DLGAP1: variants seen among roughly 807,000 people sequenced by gnomAD.
The protein encoded by DLGAP1 is DLG associated protein 1.
In DLGAP1, 11 loss-of-function variants were observed where a neutral mutation model predicts 90.8. That is an observed-to-expected ratio of 0.12 (90% CI 0.08 to 0.20). The LOEUF is 0.20. DLGAP1 is among the 10% of genes least tolerant of loss of function. The pLI, the probability that DLGAP1 is intolerant of heterozygous loss-of-function variation, is 1.00. For synonymous variants in DLGAP1, 558 were observed against 540.7 expected, an observed-to-expected ratio of 1.03 and a Z score of -0.44; for missense variants, 1,050 against 1,333.8, an observed-to-expected ratio of 0.79 and a Z score of 3.31.
chr18:4,099,703 T>TC (rs1491549067), intron 2 of DLGAP1, among the ~76,000 whole-genome samples: 1 of 135,290 alleles, frequency 7.4e-6, no homozygotes, highest in East Asian at 2.2e-4. Context: ...CTTTTTTTAC[T>TC]TTTTTTTTTT....
At chr18:4,121,468 C>T (rs1212023862) in intron 2 of DLGAP1, among the ~76,000 whole-genome samples, 3 of 152,120 alleles carry the variant, frequency 2.0e-5, no homozygotes, top group African/African-American at 4.8e-5. Flanking sequence ...CCCTCACCCC[C>T]CGTCCTCAAC....
chr18:3,608,636 C>T (rs1270110703), intron 7 of DLGAP1, among the ~76,000 whole-genome samples: 2 of 152,114 alleles, frequency 1.3e-5, no homozygotes, highest in Non-Finnish European at 2.9e-5. Context: ...GAAGGTCACT[C>T]ACTGTGAGAG....
intron 1 of DLGAP1, among the ~76,000 whole-genome samples, chr18:4,247,601 C>A (rs752203675): frequency 6.6e-6 from 1 of 152,050 alleles, no homozygotes; most frequent in African/African-American, 2.4e-5. Flanking sequence ...CATGGCAAAA[C>A]CCCGTCTCTA....
At chr18:3,926,657 T>G (rs1335897944) in intron 3 of DLGAP1, among the ~76,000 whole-genome samples, 5 of 151,042 alleles carry the variant, frequency 3.3e-5, no homozygotes, top group Non-Finnish European at 7.4e-5. Context: ...TCTATAGGTA[T>G]AAATATATAT....
chr18:4,022,023 G>A (rs1879181311), intron 2 of DLGAP1, among the ~76,000 whole-genome samples: 1 of 152,176 alleles, frequency 6.6e-6, no homozygotes, highest in Non-Finnish European at 1.5e-5. Flanking sequence ...TAGTGAGAAA[G>A]ACTAATCCTT....
intron 7 of DLGAP1, among the ~76,000 whole-genome samples, chr18:3,599,719 A>G (rs2145696244): frequency 6.6e-6 from 1 of 152,226 alleles, no homozygotes; most frequent in East Asian, 1.9e-4. Context: ...TCCCGGGTTC[A>G]AGCGATTCCC....
Position 3,614,412 on chromosome 18 carries a change from G to T in DLGAP1, c.1592-32164C>A, listed in dbSNP as rs116850688. On this transcript the variant is annotated intron_variant, in intron 7 of 12. Transcript: ENST00000315677. ...GAAAATGCTGTAAAAATTAATATGG[G>T]TCAAAAGAAATGATCTCTAATCATA... Among the ~76,000 whole-genome samples, 736 of 152,136 alleles carry T rather than the reference G, an allele frequency of 4.8e-3. 3 individuals are homozygous for T. Among genetic ancestry groups the T allele is most frequent in the East Asian group, 0.024 (125 of 5,172 alleles).
At chr18:4,052,515 G>A (rs1045740163) in intron 2 of DLGAP1, among the ~76,000 whole-genome samples, 9 of 152,068 alleles carry the variant, frequency 5.9e-5, no homozygotes, top group African/African-American at 2.2e-4. Context: ...CAGCATGGGG[G>A]GCCCTGGACC....
intron 1 of DLGAP1, among the ~76,000 whole-genome samples, chr18:4,303,884 C>T (rs769618154): frequency 6.6e-6 from 1 of 152,154 alleles, no homozygotes; most frequent in African/African-American, 2.4e-5. Context: ...CTTTTTAATT[C>T]TATTCTTGGC....
chr18:4,159,575 CG>C (rs1019064682), intron 1 of DLGAP1, among the ~76,000 whole-genome samples: 31 of 152,230 alleles, frequency 2.0e-4, no homozygotes, highest in African/African-American at 7.5e-4. Flanking sequence ...AAGCTCCCCA[CG>C]GAATGAACCT....
At chr18:4,236,213 A>C (rs942681520) in intron 1 of DLGAP1, among the ~76,000 whole-genome samples, 3 of 152,190 alleles carry the variant, frequency 2.0e-5, no homozygotes, top group Non-Finnish European at 4.4e-5. Context: ...GTGAGGTTTC[A>C]ATCAGTAAGT....
chr18:4,298,553 C>T (rs2080040448), intron 1 of DLGAP1, among the ~76,000 whole-genome samples: 1 of 151,546 alleles, frequency 6.6e-6, no homozygotes, highest in Non-Finnish European at 1.5e-5. Flanking sequence ...TATTGTCACT[C>T]ACAGGTGGGA....
chr18:4,409,493 T>C (rs2082731813), intron 1 of DLGAP1, among the ~76,000 whole-genome samples: 2 of 152,230 alleles, frequency 1.3e-5, no homozygotes, highest in South Asian at 4.1e-4. Context: ...AACACATTTT[T>C]CTTTCTGAAG....
In DLGAP1 at chr18:3,982,061, A is replaced by G. The variant is rs112002263; in HGVS notation, c.-73+23055T>C. Among the ~76,000 whole-genome samples, 79 of 152,332 alleles carry G rather than the reference A, an allele frequency of 5.2e-4. 1 individual carries two copies. The highest frequency in any genetic ancestry group is 1.8e-3 in the African/African-American group (76 of 41,580). On this transcript the variant is annotated intron_variant, in intron 3 of 12. Transcript: ENST00000315677. ...CAGAGAGCATATCTGGTCAGAAATA[A>G]TAGGAAGAAGAAAAAAAGAGGCTCT...
At chr18:3,830,117 C>G (rs2067949387) in intron 4 of DLGAP1, among the ~76,000 whole-genome samples, 1 of 152,248 alleles carries the variant, frequency 6.6e-6, no homozygotes, top group African/African-American at 2.4e-5. Context: ...GAGACTCTTA[C>G]TGGCTCTGTA....
rs2071085314 is a variant in DLGAP1, at chr18:3,879,314, C to T, written c.755G>A (p.Arg252Gln). 3.1e-6 allele frequency: 5 copies of T among 1,600,178 alleles called. No homozygotes were observed. The highest frequency in any genetic ancestry group is 1.3e-5 in the African/African-American group (1 of 74,654). Reference protein sequence around the residue: ...TISEQAVKASRSNNDVKCSTC... With the variant: ...TISEQAVKASQSNNDVKCSTC... The stretch of plus-strand genomic sequence containing the variant: ...GGAGCACTTGACGTCGTTGTTGCTC[C>T]GGGAGGCCTTCACCGCCTGCTCGCT... The change falls in exon 4 of 13, where the codon CGG (arginine) becomes CAG (glutamine). Residue 252 changes from arginine (R) to glutamine (Q), a missense_variant. Physicochemically the swap from Arg to Gln is conservative, Grantham distance 43 (BLOSUM62 1). This residue lies in a region of DLGAP1 where 485 missense variants were observed against 454.1 expected (regional missense o/e 1.07). Coordinates refer to ENST00000315677, the MANE Select transcript of DLGAP1 (RefSeq NM_004746.4). This position sits in a 1 kb window ranked among gnomAD's most constrained non-coding sequence, Gnocchi z 6.6.
chr18:4,095,109 C>T (rs2075655430), intron 2 of DLGAP1, among the ~76,000 whole-genome samples: 1 of 152,126 alleles, frequency 6.6e-6, no homozygotes, highest in African/African-American at 2.4e-5. Flanking sequence ...AGATATCTTC[C>T]TGAGAGCATT....
intron 2 of DLGAP1, among the ~76,000 whole-genome samples, chr18:4,125,367 C>A (rs186335115): frequency 1.3e-5 from 2 of 152,292 alleles, no homozygotes; most frequent in Non-Finnish European, 2.9e-5. Context: ...AGAATGGATG[C>A]CTGAGCTGAG....
chr18:4,095,037 T>G (rs1272307317), intron 2 of DLGAP1, among the ~76,000 whole-genome samples: 1 of 152,202 alleles, frequency 6.6e-6, no homozygotes, highest in Admixed American at 6.5e-5. Flanking sequence ...AGTATCACCT[T>G]CAACCTAATA....
Sources: gnomAD v4.1 joint callset for allele counts (sites outside exome capture counted in the v4.1 genomes callset) on GRCh38, gnomAD v4.1.1 for gene constraint, gnomAD v4.1.1 regional missense constraint, Gnocchi (gnomAD v3.1) non-coding constraint, MANE v1.5 for transcripts, NCBI Gene and HGNC (gene_info 2026-07-23, HGNC 2026-07-21) for gene names.